TENM4: variants seen among roughly 807,000 people sequenced by gnomAD.
TENM4 encodes teneurin transmembrane protein 4, also known as teneurin-4.
Under a neutral mutation model 243.3 loss-of-function variants are expected in TENM4, and 82 were observed. That is an observed-to-expected ratio of 0.34 (90% CI 0.28 to 0.40). TENM4 has a LOEUF of 0.40. Among genes scored for constraint, TENM4 ranks in the 10% least tolerant of loss-of-function variants. The pLI is 1.00. For missense variants in TENM4, 3,138 were observed against 3,673.3 expected (o/e 0.85, Z 3.77); for synonymous variants, 1,412 against 1,456.3 (o/e 0.97, Z 0.69).
chr11:79,432,129 CTCT>C (rs1300125655), intron 1 of TENM4, among the ~76,000 whole-genome samples: 1 of 152,146 alleles, frequency 6.6e-6, no homozygotes, highest in Non-Finnish European at 1.5e-5. Context: ...CATAGAATAG[CTCT>C]AGATTATCTA....
At position 79,088,551 on chromosome 11, in the gene TENM4, G is replaced by A. The variant is rs1860872270; in HGVS notation, c.-65-18542C>T. Among the ~76,000 whole-genome samples, 2 of 152,202 alleles carry A rather than the reference G, an allele frequency of 1.3e-5. 1 individual carries two copies. The highest frequency in any genetic ancestry group is 1.3e-4 in the Admixed American group (2 of 15,280). On this transcript the variant is annotated intron_variant, in intron 4 of 33. Transcript: ENST00000278550. ...ATTCCTCTATATCATCTTTGAAGTG[G>A]AGATAATTGACCTACCCAATAGGGT... is the stretch of plus-strand genomic sequence containing the variant.
intron 15 of TENM4, among the ~76,000 whole-genome samples, chr11:78,802,275 G>A (rs1247079653): frequency 6.6e-6 from 1 of 152,202 alleles, no homozygotes; most frequent in Non-Finnish European, 1.5e-5. Context: ...ACTGTTCTAC[G>A]TGCATACCAA....
intron 1 of TENM4, among the ~76,000 whole-genome samples, chr11:79,336,404 A>G (rs1435223920): frequency 1.3e-5 from 2 of 152,206 alleles, no homozygotes; most frequent in African/African-American, 4.8e-5. Flanking sequence ...GAGGAAAAAG[A>G]GTATTAAATG....
At chr11:78,975,598 C>CCA (rs148902494) in intron 6 of TENM4, among the ~76,000 whole-genome samples, 1,842 of 148,248 alleles carry the variant, frequency 0.012, 18 homozygotes, top group South Asian at 0.034. Context: ...ATACACACAC[C>CCA]CACACACACA....
intron 12 of TENM4, among the ~76,000 whole-genome samples, chr11:78,833,493 T>C (rs890932397): frequency 9.2e-5 from 14 of 152,198 alleles, no homozygotes; most frequent in African/African-American, 3.4e-4. Context: ...GACATAGACT[T>C]TCCCGCATGG....
At chr11:79,395,179 C>G (rs1452970999) in intron 1 of TENM4, among the ~76,000 whole-genome samples, 3 of 152,232 alleles carry the variant, frequency 2.0e-5, no homozygotes, top group Admixed American at 2.0e-4. Flanking sequence ...AAAAAAACAA[C>G]TAATTCCTCC....
At chr11:78,906,286 T>C (rs1856062460) in intron 6 of TENM4, among the ~76,000 whole-genome samples, 1 of 152,198 alleles carries the variant, frequency 6.6e-6, no homozygotes, top group African/African-American at 2.4e-5. Flanking sequence ...ACTAGTCAGT[T>C]CTCATAAACA....
At chr11:79,319,316 A>T (rs1275594885) in intron 1 of TENM4, among the ~76,000 whole-genome samples, 1 of 152,148 alleles carries the variant, frequency 6.6e-6, no homozygotes, top group African/African-American at 2.4e-5. Flanking sequence ...GTAAAGTATA[A>T]AAAAAAGAAG....
intron 12 of TENM4, among the ~76,000 whole-genome samples, chr11:78,816,011 C>G (rs923068678): frequency 5.9e-5 from 9 of 152,216 alleles, no homozygotes; most frequent in African/African-American, 2.2e-4. Flanking sequence ...ATAGGATCCC[C>G]CAACTTCCCA....
At chr11:78,812,022 G>C in intron 14 of TENM4, 100 bp downstream of exon 14, 1 of 1,414,368 alleles carries the variant, frequency 7.1e-7, no homozygotes, top group Non-Finnish European at 9.4e-7. Flanking sequence ...GTCACAAAAT[G>C]GCTCAGGAGG....
At position 79,136,850 on chromosome 11, in the gene TENM4, C is replaced by A. The variant is rs1862119644; in HGVS notation, c.-66+11860G>T. Among the ~76,000 whole-genome samples, 2 of 152,150 alleles carry A rather than the reference C, an allele frequency of 1.3e-5. 1 individual carries two copies. The highest frequency in any genetic ancestry group is 4.1e-4 in the South Asian group (2 of 4,826). On this transcript the variant is annotated intron_variant, in intron 4 of 33. Coordinates refer to ENST00000278550, the MANE Select transcript of TENM4 (RefSeq NM_001098816.3). ...TCACTGGTCTTACCATGCTCCCTAT[C>A]ATCCTAAAGCAGCTGGATTGATAGA...
chr11:79,410,906 G>A (rs765136682), intron 1 of TENM4, among the ~76,000 whole-genome samples: 1 of 151,938 alleles, frequency 6.6e-6, no homozygotes, highest in Non-Finnish European at 1.5e-5. Context: ...TCTCCATGTC[G>A]GGCCTACCTC....
chr11:78,735,707 C>T (rs1318386620), intron 20 of TENM4, among the ~76,000 whole-genome samples: 2 of 152,216 alleles, frequency 1.3e-5, no homozygotes, highest in Admixed American at 1.3e-4. Context: ...TATCACCTTT[C>T]CAAGCCTCAG....
At chr11:78,686,549 G>A (rs1858678262) in intron 29 of TENM4, among the ~76,000 whole-genome samples, 1 of 152,044 alleles carries the variant, frequency 6.6e-6, no homozygotes. Context: ...AGATGGGGTG[G>A]GGTTGGGGGG....
At chr11:79,081,627 G>A (rs963276018) in intron 4 of TENM4, among the ~76,000 whole-genome samples, 1 of 151,596 alleles carries the variant, frequency 6.6e-6, no homozygotes, top group Admixed American at 6.6e-5. Context: ...AGGCTCTATT[G>A]TAACTCTGTT....
chr11:78,856,024 C>T lies in TENM4; in HGVS notation c.1410G>A (p.Leu470=). Residue 470 remains leucine, a synonymous_variant, in exon 11 of 34, where the codon CTG becomes CTA. Transcript: ENST00000278550. ...HPVHLKFNVS[L]GKAALVGIYG... is the part of the protein sequence containing the mutation. ...AAATGCCAACCAGGGCTGCCTTTCC[C>T]AGAGACACATTGAATTTCAGATGCA... 1 of 1,551,702 alleles carries T rather than the reference C, an allele frequency of 6.4e-7. No homozygotes were observed. Among genetic ancestry groups the T allele is most frequent in the Non-Finnish European group, 8.7e-7 (1 of 1,146,992 alleles).
intron 3 of TENM4, among the ~76,000 whole-genome samples, chr11:79,185,630 A>T (rs1051705157): frequency 6.6e-6 from 1 of 152,192 alleles, no homozygotes; most frequent in African/African-American, 2.4e-5. Flanking sequence ...TATACCATTT[A>T]ACTTTCACAT....
intron 28 of TENM4, among the ~76,000 whole-genome samples, chr11:78,691,957 G>A (rs1858838092): frequency 2.6e-5 from 4 of 152,170 alleles, no homozygotes; most frequent in Admixed American, 2.6e-4. Context: ...ATGGGAAGAA[G>A]TAGGGTTGCC....
chr11:79,220,770 A>G (rs1478151204), intron 2 of TENM4, among the ~76,000 whole-genome samples: 1 of 152,142 alleles, frequency 6.6e-6, no homozygotes, highest in Non-Finnish European at 1.5e-5. Context: ...GACAGTGACC[A>G]CTATGTCTTC....
Sources: allele counts gnomAD v4.1 joint callset (sites outside exome capture counted in the v4.1 genomes callset), GRCh38; gene constraint gnomAD v4.1.1; transcripts MANE v1.5; gene names NCBI Gene and HGNC (gene_info 2026-07-23, HGNC 2026-07-21).